EML1: variants seen among roughly 807,000 people sequenced by gnomAD.
EML1 encodes the protein EMAP like 1, also known as echinoderm microtubule-associated protein-like 1.
Under a neutral mutation model 110.4 loss-of-function variants are expected in EML1, and 27 were observed. The ratio of observed to expected loss-of-function variants is 0.24; its 90% CI spans 0.18 to 0.34. The LOEUF (loss-of-function observed/expected upper bound fraction) is 0.34, where lower values mean the gene tolerates loss of function less well. EML1 is among the 10% of genes least tolerant of loss of function. The pLI is 1.00. For missense variants in EML1, 741 were observed against 1,030.9 expected (o/e 0.72, Z 3.85); for synonymous variants, 344 against 385.8 (o/e 0.89, Z 1.27).
At chr14:99,815,842 C>T (rs1166068258) in intron 1 of EML1, among the ~76,000 whole-genome samples, 1 of 152,108 alleles carries the variant, frequency 6.6e-6, no homozygotes, top group Admixed American at 6.6e-5. Flanking sequence ...CGTAGAGATG[C>T]TTACGAGATG....
At chr14:99,749,786 C>T (rs2057154631) in intron 1 of EML1, among the ~76,000 whole-genome samples, 1 of 152,136 alleles carries the variant, frequency 6.6e-6, no homozygotes, top group Non-Finnish European at 1.5e-5. Flanking sequence ...GGCCGAGTGA[C>T]CCCGACATGT....
intron 1 of EML1, among the ~76,000 whole-genome samples, chr14:99,767,181 G>A (rs960267214): frequency 3.3e-5 from 5 of 152,228 alleles, no homozygotes; most frequent in Non-Finnish European, 7.3e-5. Flanking sequence ...GAGAAGAGCT[G>A]GGTTCCATGA....
chr14:99,737,789 GA>G, exon 1 of EML1: 1 of 1,288,984 alleles, frequency 7.8e-7, no homozygotes, highest in Non-Finnish European at 1.0e-6. Context: ...GGCTCTGAGT[GA>G]CCCTGCAGGC....
At chr14:99,874,916 G>T (rs372986443) in intron 3 of EML1, 122 of 1,604,956 alleles carry the variant, frequency 7.6e-5, no homozygotes, top group Non-Finnish European at 9.4e-5. Context: ...TTATTTCTGT[G>T]CCTCTTATAT....
At chr14:99,937,463 G>A (rs1404080398) in intron 19 of EML1, among the ~76,000 whole-genome samples, 1 of 152,092 alleles carries the variant, frequency 6.6e-6, no homozygotes, top group Non-Finnish European at 1.5e-5. Flanking sequence ...ATAGGGAGGC[G>A]AGGGGGCCTG....
At position 99,869,191 on chromosome 14, in the gene EML1, G is replaced by A. The variant is rs116144601; in HGVS notation, c.383+3545G>A. Among the ~76,000 whole-genome samples, 1,315 of 152,252 alleles carry A rather than the reference G, an allele frequency of 8.6e-3. 22 individuals carry two copies. The highest frequency in any genetic ancestry group is 0.03 in the African/African-American group (1,259 of 41,550). On this transcript the variant is annotated intron_variant, in intron 3 of 21. Coordinates refer to ENST00000262233, the MANE Select transcript of EML1 (RefSeq NM_004434.3). Reference sequence around the variant, plus strand: ...ACATTTTTTTTACAAATTGGTGGTGGTGGCAACCCTGTGTTGAGTAAATCT... The same window carrying A: ...ACATTTTTTTTACAAATTGGTGGTGATGGCAACCCTGTGTTGAGTAAATCT...
intron 16 of EML1, among the ~76,000 whole-genome samples, chr14:99,920,114 A>C (rs1162487463): frequency 6.6e-6 from 1 of 152,182 alleles, no homozygotes; most frequent in Non-Finnish European, 1.5e-5. Flanking sequence ...ATCAGAGGAT[A>C]CAAAGCACTT....
intron 2 of EML1, among the ~76,000 whole-genome samples, chr14:99,865,084 TCTTA>T (rs1032879049): frequency 3.3e-5 from 5 of 152,182 alleles, no homozygotes; most frequent in Admixed American, 1.3e-4. Flanking sequence ...GTACCTTCTT[TCTTA>T]CTATTACATT....
chr14:99,747,829 G>A (rs1373553650), intron 1 of EML1, among the ~76,000 whole-genome samples: 1 of 152,190 alleles, frequency 6.6e-6, no homozygotes, highest in African/African-American at 2.4e-5. Flanking sequence ...CCGCTGCAGG[G>A]TCAGCAATGC....
At chr14:99,871,375 C>T (rs1291178923) in intron 3 of EML1, among the ~76,000 whole-genome samples, 1 of 152,116 alleles carries the variant, frequency 6.6e-6, no homozygotes, top group Non-Finnish European at 1.5e-5. Context: ...GGGCCAAGCA[C>T]AGTGGCTCAC....
chr14:99,868,824 CT>C (rs1396534255), intron 3 of EML1, among the ~76,000 whole-genome samples: 3 of 152,032 alleles, frequency 2.0e-5, no homozygotes, highest in African/African-American at 7.2e-5. Context: ...CTGCTCTAAT[CT>C]TTATTATTTC....
chr14:99,776,992 GGCACATACA>G (rs925882962), intron 1 of EML1, among the ~76,000 whole-genome samples: 6 of 152,220 alleles, frequency 3.9e-5, no homozygotes, highest in Admixed American at 3.9e-4. Flanking sequence ...TAAAGTAAAA[GGCACATACA>G]GCTTTAACCT....
chr14:99,934,747 G>C (rs1011145945), intron 17 of EML1, among the ~76,000 whole-genome samples: 2 of 152,166 alleles, frequency 1.3e-5, no homozygotes, highest in African/African-American at 2.4e-5. Context: ...TTGCTTGCTG[G>C]CTCAGGAAAG....
intron 4 of EML1, among the ~76,000 whole-genome samples, chr14:99,882,365 A>G (rs1479591089): frequency 6.6e-6 from 1 of 152,218 alleles, no homozygotes; most frequent in Non-Finnish European, 1.5e-5. Flanking sequence ...TTGATAAAGC[A>G]TTTCAATTAT....
chr14:99,909,553 C>T, intron 11 of EML1, 74 bp downstream of exon 11: 2 of 1,579,762 alleles, frequency 1.3e-6, no homozygotes, highest in Non-Finnish European at 1.7e-6. Flanking sequence ...TCTCTGGGGG[C>T]TCTGGTGATC....
intron 1 of EML1, among the ~76,000 whole-genome samples, chr14:99,824,196 G>A (rs2058312536): frequency 6.6e-6 from 1 of 152,094 alleles, no homozygotes; most frequent in African/African-American, 2.4e-5. Context: ...CTGACCTCAG[G>A]CGATCCACCC....
intron 17 of EML1, among the ~76,000 whole-genome samples, chr14:99,934,682 C>A (rs1047804972): frequency 6.6e-6 from 1 of 152,238 alleles, no homozygotes; most frequent in Non-Finnish European, 1.5e-5. Flanking sequence ...GAGACCCCTG[C>A]TACCCTGCAT....
At chr14:99,796,903 G>T (rs1273759986) in intron 1 of EML1, among the ~76,000 whole-genome samples, 1 of 131,176 alleles carries the variant, frequency 7.6e-6, no homozygotes, top group African/African-American at 2.6e-5. Context: ...AAATCTTTGT[G>T]TGTGTATGTG....
At chr14:99,891,363 C>A in intron 5 of EML1, 136 bp downstream of exon 5, 1 of 1,080,686 alleles carries the variant, frequency 9.3e-7, no homozygotes. Flanking sequence ...CCAGATGGAG[C>A]TTTGTACCTG....
Sources: allele counts gnomAD v4.1 joint callset (sites outside exome capture counted in the v4.1 genomes callset), GRCh38; gene constraint gnomAD v4.1.1; transcripts MANE v1.5; gene names NCBI Gene and HGNC (gene_info 2026-07-23, HGNC 2026-07-21).